MALRD1: variants seen among roughly 807,000 people sequenced by gnomAD.
MALRD1 encodes MAM and LDL receptor class A domain containing 1, also known as MAM and LDL-receptor class A domain-containing protein 1.
In MALRD1, 247 loss-of-function variants were observed where a neutral mutation model predicts 242.1. The ratio of observed to expected loss-of-function variants is 1.02; its 90% confidence interval spans 0.92 to 1.13. The LOEUF (loss-of-function observed/expected upper bound fraction) is 1.13. Ranked by LOEUF, MALRD1 falls within the 50% of genes most tolerant of loss-of-function variation. The pLI, the probability that MALRD1 is intolerant of heterozygous loss-of-function variation, is 0.00. For missense variants in MALRD1, 2,989 were observed against 2,533.1 expected (o/e 1.18, Z -3.86); for synonymous variants, 995 against 866.6 (o/e 1.15, Z -2.60).
chr10:19,270,317 T>TTA (rs1840155684), intron 19 of MALRD1, among the ~76,000 whole-genome samples: 1 of 132,998 alleles, frequency 7.5e-6, no homozygotes, highest in Non-Finnish European at 1.5e-5. Flanking sequence ...TCTCTCTCTC[T>TTA]TCTCTCTCTC....
chr10:19,342,503 G>C (rs1357832397), intron 24 of MALRD1, among the ~76,000 whole-genome samples: 1 of 152,090 alleles, frequency 6.6e-6, no homozygotes, highest in African/African-American at 2.4e-5. Context: ...ATAAACATTT[G>C]CATTTCTTGA....
intron 18 of MALRD1, among the ~76,000 whole-genome samples, chr10:19,239,576 C>T (rs924180699): frequency 6.6e-6 from 1 of 152,082 alleles, no homozygotes; most frequent in Non-Finnish European, 1.5e-5. Flanking sequence ...TTTTACAACC[C>T]AAAGTTATAG....
intron 29 of MALRD1, among the ~76,000 whole-genome samples, chr10:19,458,409 T>A (rs1337657727): frequency 2.6e-5 from 4 of 152,324 alleles, no homozygotes; most frequent in African/African-American, 9.6e-5. Context: ...ACTAACTATA[T>A]ATCATATATG....
intron 28 of MALRD1, among the ~76,000 whole-genome samples, chr10:19,396,231 G>T (rs1476205738): frequency 6.8e-6 from 1 of 147,034 alleles, no homozygotes; most frequent in Non-Finnish European, 1.5e-5. Context: ...TCCACCTCCT[G>T]GTTCAAGCGA....
At chr10:19,596,857 A>G (rs1327236706) in intron 34 of MALRD1, among the ~76,000 whole-genome samples, 3 of 151,310 alleles carry the variant, frequency 2.0e-5, no homozygotes, top group Non-Finnish European at 4.4e-5. Context: ...GGAGGGACAG[A>G]GAGGAGGAAG....
intron 31 of MALRD1, among the ~76,000 whole-genome samples, chr10:19,530,354 A>T (rs1310854233): frequency 1.2e-4 from 11 of 90,390 alleles, no homozygotes; most frequent in African/African-American, 6.1e-4. Context: ...ATAAATATAT[A>T]ATATTTATAT....
intron 36 of MALRD1, among the ~76,000 whole-genome samples, chr10:19,663,352 G>A (rs1218415080): frequency 1.3e-5 from 2 of 152,048 alleles, no homozygotes; most frequent in African/African-American, 4.8e-5. Flanking sequence ...CAAAAGACAT[G>A]ATTTCATTTT....
chr10:19,539,852 T>TTTTGTGTGTGTGTGTGTG lies in MALRD1; in HGVS notation c.5478+8502_5478+8503insTTGTGTGTGTGTGTGTGT, dbSNP rs1554795755. On this transcript the variant is annotated intron_variant, in intron 32 of 39. Transcript: ENST00000454679. ...CCAGCATGCGCCACCACACCCAGCT[T>TTTTGTGTGTGTGTGTGTG]TGTGCGTGTGTGTGTGTGTGTGTGT... Among the ~76,000 whole-genome samples, 34 of 64,360 alleles carry TTTTGTGTGTGTGTGTGTG rather than the reference T, an allele frequency of 5.3e-4. 1 individual carries two copies. Among genetic ancestry groups the TTTTGTGTGTGTGTGTGTG allele is most frequent in the African/African-American group, 7.1e-4 (14 of 19,786 alleles). The allele number at this position is 64,360 out of a possible 152,430, so 42.2% of individuals were successfully genotyped here. A position where few individuals can be genotyped will look rare whatever the true frequency, so the allele number is the denominator to read the frequency against.
intron 29 of MALRD1, among the ~76,000 whole-genome samples, chr10:19,473,949 A>C (rs1836613120): frequency 6.6e-6 from 1 of 152,158 alleles, no homozygotes; most frequent in Admixed American, 6.6e-5. Context: ...AAAGTACACG[A>C]GGGTTCCATT....
At chr10:19,616,144 C>T (rs1433029178) in intron 36 of MALRD1, among the ~76,000 whole-genome samples, 2 of 151,876 alleles carry the variant, frequency 1.3e-5, no homozygotes. Flanking sequence ...TGTTTTTCAA[C>T]ATTTTATATG....
At chr10:19,458,880 T>C (rs942960445) in intron 29 of MALRD1, among the ~76,000 whole-genome samples, 1 of 146,598 alleles carries the variant, frequency 6.8e-6, no homozygotes, top group African/African-American at 2.5e-5. Flanking sequence ...TTTTTAGATA[T>C]GTATAGTTGA....
chr10:19,415,802 A>G (rs554490521), intron 28 of MALRD1, among the ~76,000 whole-genome samples: 2 of 152,294 alleles, frequency 1.3e-5, no homozygotes, highest in South Asian at 2.1e-4. Context: ...GCCAATAGAA[A>G]GGGGTGTTCT....
chr10:19,369,441 C>G (rs1019318711), intron 26 of MALRD1, among the ~76,000 whole-genome samples: 1 of 147,794 alleles, frequency 6.8e-6, no homozygotes, highest in East Asian at 2.0e-4. Context: ...GCTGAAGTAT[C>G]TATTTGCTTA....
At chr10:19,710,692 T>C (rs1258716933) in intron 38 of MALRD1, 4 of 152,220 alleles carry the variant, frequency 2.6e-5, no homozygotes, top group Non-Finnish European at 4.4e-5. Context: ...TTCTAATTAT[T>C]TGGTCTGACA....
chr10:19,056,735 T>C (rs372885577), intron 1 of MALRD1, among the ~76,000 whole-genome samples: 2 of 152,174 alleles, frequency 1.3e-5, no homozygotes, highest in South Asian at 2.1e-4. Flanking sequence ...AAATTGGTGG[T>C]GAGAATAGGT....
chr10:19,668,854 T>C (rs989972808), intron 36 of MALRD1, among the ~76,000 whole-genome samples: 4 of 152,088 alleles, frequency 2.6e-5, no homozygotes, highest in Admixed American at 6.6e-5. Context: ...AATATCCAAA[T>C]AGTAGAAATT....
chr10:19,123,534 A>AG lies in MALRD1; in HGVS notation c.738dup (p.Leu247AlafsTer12). On this transcript the variant is annotated frameshift_variant, in exon 6 of 40. Transcript: ENST00000454679. LOFTEE classifies it high-confidence loss of function. ...CAAGAAGCATTGAATGCTGAGCGGGAGCTATGCCATCCAGATACAGATCTC... is the reference window on the plus strand; with the variant it reads ...CAAGAAGCATTGAATGCTGAGCGGGAGGCTATGCCATCCAGATACAGATCTC... 8.1e-7 allele frequency: 1 copy of AG among 1,233,798 alleles called. No homozygotes were observed. The highest frequency in any genetic ancestry group is 1.0e-6 in the Non-Finnish European group (1 of 988,058). The allele number at this position is 1,233,798 out of a possible 1,614,324, so 76.4% of individuals were successfully genotyped here.
chr10:19,664,448 T>G lies in MALRD1; in HGVS notation c.6138-27834T>G, dbSNP rs181202489. ...TCTCTTTTTTTTCCTCCTTCTGTTT[T>G]TAATTGCTTTCCTAGTAATTCTGAT... On this transcript the variant is annotated intron_variant, in intron 36 of 39. Coordinates refer to ENST00000454679, the MANE Select transcript of MALRD1 (RefSeq NM_001142308.3). Among the ~76,000 whole-genome samples, 12 of 152,168 alleles carry G rather than the reference T, an allele frequency of 7.9e-5. No individual in the cohort carries two copies. The East Asian group carries it at 2.3e-3, about 29-fold the overall frequency.
chr10:19,133,461 C>G (rs564093789), intron 8 of MALRD1, among the ~76,000 whole-genome samples: 37 of 152,122 alleles, frequency 2.4e-4, no homozygotes, highest in African/African-American at 8.4e-4. Flanking sequence ...ATATTGTTTG[C>G]CTGTAAACGT....
Sources: gnomAD v4.1 joint callset for allele counts (sites outside exome capture counted in the v4.1 genomes callset) on GRCh38, gnomAD v4.1.1 for gene constraint, MANE v1.5 for transcripts, NCBI Gene and HGNC (gene_info 2026-07-23, HGNC 2026-07-21) for gene names.